SLC26A4: variants seen among roughly 807,000 people sequenced by gnomAD.
SLC26A4 encodes the protein pendrin.
A neutral mutation model predicts 90.4 loss-of-function variants in SLC26A4; 93 were observed. The observed-to-expected ratio is 1.03, with a 90% CI of 0.87 to 1.22. The LOEUF (loss-of-function observed/expected upper bound fraction) is 1.22, where lower values mean the gene tolerates loss of function less well. SLC26A4 is among the 50% of genes most tolerant of loss of function. The pLI, the probability that SLC26A4 is intolerant of heterozygous loss-of-function variation, is 0.00. For missense variants in SLC26A4, 1,127 were observed against 946.2 expected (o/e 1.19, Z -2.51); for synonymous variants, 393 against 354.6 (o/e 1.11, Z -1.22).
At position 107,674,985 on chromosome 7, in the gene SLC26A4, AC is replaced by A; in HGVS notation, c.642del (p.Leu215TrpfsTer22). ...GGLQIGFIVR[Y>X]LADPLVGGFT... Reference sequence around the variant, plus strand: ...TTGCAGATTGGATTCATAGTGAGGTACTTGGCAGATCCTTTGGTTGGTGGCT... The same window carrying A: ...TTGCAGATTGGATTCATAGTGAGGTATTGGCAGATCCTTTGGTTGGTGGCT... On this transcript the variant is annotated frameshift_variant, in exon 6 of 21. Transcript: ENST00000644269. LOFTEE classifies it high-confidence loss of function. 6.2e-7 allele frequency: 1 copy of A among 1,614,126 alleles called. No individual in the cohort carries two copies. The highest frequency in any genetic ancestry group is 1.1e-5 in the South Asian group (1 of 91,082).
intron 6 of SLC26A4, among the ~76,000 whole-genome samples, chr7:107,680,802 T>C (rs1429705398): frequency 1.3e-5 from 2 of 152,138 alleles, no homozygotes; most frequent in African/African-American, 4.8e-5. Flanking sequence ...AAGGTAAAAA[T>C]GTTTGTGTGA....
At chr7:107,672,347 T>C (rs1790894039) in intron 4 of SLC26A4, 99 bp downstream of exon 4, 4 of 548,422 alleles carry the variant, frequency 7.3e-6, no homozygotes, top group East Asian at 3.7e-5. Flanking sequence ...GCAAAAGTAA[T>C]TGCGGTTTTC....
intron 3 of SLC26A4, among the ~76,000 whole-genome samples, chr7:107,664,853 C>A (rs561054067): frequency 6.6e-6 from 1 of 152,260 alleles, no homozygotes; most frequent in South Asian, 2.1e-4. Flanking sequence ...GACCAATTTC[C>A]CAAAGACCCT....
In SLC26A4 at chr7:107,682,699, A is replaced by C. The variant is rs74790874; in HGVS notation, c.766-503A>C. Among the ~76,000 whole-genome samples, 313 of 151,924 alleles carry C rather than the reference A, an allele frequency of 2.1e-3. 4 individuals are homozygous for C. In the East Asian group the frequency reaches 0.043, roughly 21 times the overall value. On this transcript the variant is annotated intron_variant, in intron 6 of 20. Transcript: ENST00000644269. ...ACACATACACACATATACACACACA[A>C]AAAAAACAACCAACTGATCAACTGG...
chr7:107,705,333 G>C lies in SLC26A4; in HGVS notation c.2089+948G>C, dbSNP rs547536930. 6.6e-5 allele frequency among the ~76,000 whole-genome samples: 10 copies of C among 152,264 alleles called. No individual in the cohort carries two copies. The South Asian group carries it at 1.9e-3, about 28-fold the overall frequency. ...CTGAGTTTTTGTTGTTTCAGAGAGAGACCATTCGATGTCTGACAGGTGGCT... is the reference window on the plus strand; with the variant it reads ...CTGAGTTTTTGTTGTTTCAGAGAGACACCATTCGATGTCTGACAGGTGGCT... On this transcript the variant is annotated intron_variant, in intron 18 of 20. Coordinates refer to ENST00000644269, the MANE Select transcript of SLC26A4 (RefSeq NM_000441.2).
At chr7:107,667,668 G>C (rs1790756284) in intron 3 of SLC26A4, among the ~76,000 whole-genome samples, 1 of 152,016 alleles carries the variant, frequency 6.6e-6, no homozygotes, top group South Asian at 2.1e-4. Flanking sequence ...CGATAGGAAT[G>C]ACCTAGTAGA....
chr7:107,668,258 C>T (rs1162529400), intron 3 of SLC26A4, among the ~76,000 whole-genome samples: 1 of 152,058 alleles, frequency 6.6e-6, no homozygotes, highest in Admixed American at 6.5e-5. Context: ...AGAATATTTG[C>T]AAAATTCCAT....
chr7:107,674,172 C>T lies in SLC26A4; in HGVS notation c.424C>T (p.Pro142Ser), dbSNP rs749325776. The T allele has an allele frequency of 1.9e-6, 3 of 1,614,006 alleles. 1 individual carries two copies. Among genetic ancestry groups the T allele is most frequent in the Middle Eastern group, 3.3e-4 (2 of 6,062 alleles). ...AGACTTTTTTTCCCCAGGACCTTTT[C>T]CAGTGGTGAGTTTAATGGTGGGATC... ...TSRHISVGPF[P>S]VVSLMVGSVV... Residue 142 changes from proline (P) to serine (S), a missense_variant, in exon 5 of 21, where the codon CCA becomes TCA. By Grantham distance (74) the Pro-to-Ser change is moderately conservative. Transcript: ENST00000644269.
In SLC26A4 at chr7:107,696,048, C is replaced by G. The variant is rs368970459; in HGVS notation, c.1544+9C>G. 6.9e-7 allele frequency: 1 copy of G among 1,454,770 alleles called. No homozygotes were observed. Among genetic ancestry groups the G allele is most frequent in the South Asian group, 1.1e-5 (1 of 87,954 alleles). The allele number at this position is 1,454,770 out of a possible 1,614,324, so 90.1% of individuals were successfully genotyped here. The stretch of plus-strand genomic sequence containing the variant: ...GTCCTGAGAGTTCAGTTGTGAGTAA[C>G]GTAAAACCCAGATTTCCTATAAACA... On this transcript the variant is annotated intron_variant, in intron 13 of 20. Coordinates refer to ENST00000644269, the MANE Select transcript of SLC26A4 (RefSeq NM_000441.2).
chr7:107,701,241 C>T, intron 16 of SLC26A4, 45 bp downstream of exon 16: 1 of 1,206,390 alleles, frequency 8.3e-7, no homozygotes, highest in South Asian at 1.2e-5. Context: ...TTTCCTTTCC[C>T]TGATGAGAGC....
chr7:107,698,034 TC>T lies in SLC26A4; in HGVS notation c.1545-7del, dbSNP rs727503427. ...AAAAAATCTTGACCTTGATATTTTT[TC>T]TTCTAGTCCTTCTTGGAATGGCCTT... On this transcript the variant is annotated splice_region_variant and splice_polypyrimidine_tract_variant and intron_variant, in intron 13 of 20. Transcript: ENST00000644269. The T allele has an allele frequency of 5.7e-5, 91 of 1,591,728 alleles. 1 individual carries two copies. The Middle Eastern group carries it at 3.2e-3, about 55-fold the overall frequency.
In SLC26A4 at chr7:107,672,165, T is replaced by G; in HGVS notation, c.332T>G (p.Val111Gly). Reference sequence around the variant, plus strand: ...ATGGCATATGCCCTACTAGCTGCAGTTCCTGTCGGATATGGTCTCTACTCT... The same window carrying G: ...ATGGCATATGCCCTACTAGCTGCAGGTCCTGTCGGATATGGTCTCTACTCT... ...QGMAYALLAA[V>G]PVGYGLYSAF... Residue 111 changes from valine (V) to glycine (G), a missense_variant, in exon 4 of 21, where the codon GTT (valine) becomes GGT (glycine). By Grantham distance (109) the Val-to-Gly change is moderately radical. Coordinates refer to ENST00000644269, the MANE Select transcript of SLC26A4 (RefSeq NM_000441.2). 1 of 1,612,686 alleles carries G rather than the reference T, an allele frequency of 6.2e-7. No individual in the cohort carries two copies. The highest frequency in any genetic ancestry group is 1.7e-4 in the Middle Eastern group (1 of 6,052).
intron 10 of SLC26A4, chr7:107,693,004 CAT>C (rs1791619300): frequency 6.6e-6 from 1 of 152,290 alleles, no homozygotes; most frequent in South Asian, 2.1e-4. Context: ...CCCAAATCTC[CAT>C]ATCTTTCTCC....
chr7:107,692,136 C>T lies in SLC26A4; in HGVS notation c.1263+1899C>T, dbSNP rs895115684. On this transcript the variant is annotated intron_variant, in intron 10 of 20. Transcript: ENST00000644269. ...ACAGGGTTTGGGGGATAATGGTGCT[C>T]TGGTAAGCTAATACCCCCTGCCACA... 1.0e-5 allele frequency: 13 copies of T among 1,251,764 alleles called. No individual in the cohort carries two copies. The Admixed American group carries it at 2.2e-4, about 21-fold the overall frequency. The allele number at this position is 1,251,764 out of a possible 1,614,324, so 77.5% of individuals were successfully genotyped here. A position where few individuals can be genotyped will look rare whatever the true frequency, so the allele number is the denominator to read the frequency against.
chr7:107,662,048 G>A, intron 2 of SLC26A4: 1 of 574,898 alleles, frequency 1.7e-6, no homozygotes, highest in South Asian at 2.2e-5. Flanking sequence ...TTTGGGGAGA[G>A]TGGGTTCTAG....
chr7:107,693,466 A>T, intron 10 of SLC26A4: 4 of 985,444 alleles, frequency 4.1e-6, no homozygotes, highest in Non-Finnish European at 4.8e-6. Flanking sequence ...ACTAGACAGT[A>T]CTTGTGCTCA....
At chr7:107,686,454 T>TTTCC (rs1181126536) in intron 8 of SLC26A4, among the ~76,000 whole-genome samples, 1 of 44,228 alleles carries the variant, frequency 2.3e-5, no homozygotes, top group Non-Finnish European at 4.6e-5. Context: ...TCTTTCTTTC[T>TTTCC]TTTCTTTCTT....
In SLC26A4 at chr7:107,710,328, G is replaced by GT. The variant is rs111316118; in HGVS notation, c.2235+135dup. 7.7e-3 allele frequency: 5,552 copies of GT among 719,758 alleles called. 217 individuals are homozygous for GT. In the African/African-American group the frequency reaches 0.085, roughly 11 times the overall value. The allele number at this position is 719,758 out of a possible 1,614,324, so 44.6% of individuals were successfully genotyped here. On this transcript the variant is annotated intron_variant, in intron 19 of 20. Coordinates refer to ENST00000644269, the MANE Select transcript of SLC26A4 (RefSeq NM_000441.2). ...ACCTATATAACTTCATGGAGCCTCA[G>GT]TTTTTTCATCAGTAAAATGGAAGTA... is the stretch of plus-strand genomic sequence containing the variant.
rs773861155 is a variant in SLC26A4, at chr7:107,674,985, A to T, written c.641A>T (p.Tyr214Phe). 4 of 1,614,008 alleles carry T rather than the reference A, an allele frequency of 2.5e-6. No individual in the cohort carries two copies. Among genetic ancestry groups the T allele is most frequent in the Non-Finnish European group, 3.4e-6 (4 of 1,179,998 alleles). ...TTGCAGATTGGATTCATAGTGAGGT[A>T]CTTGGCAGATCCTTTGGTTGGTGGC... ...GGLQIGFIVR[Y>F]LADPLVGGFT... is the part of the protein sequence containing the mutation. The change falls in exon 6 of 21, where the codon TAC (tyrosine) becomes TTC (phenylalanine). Residue 214 changes from tyrosine to phenylalanine, a missense_variant. Coordinates refer to ENST00000644269, the MANE Select transcript of SLC26A4 (RefSeq NM_000441.2).
Sources: gnomAD v4.1 joint callset for allele counts (sites outside exome capture counted in the v4.1 genomes callset) on GRCh38, gnomAD v4.1.1 for gene constraint, MANE v1.5 for transcripts, NCBI Gene and HGNC (gene_info 2026-07-23, HGNC 2026-07-21) for gene names.